Variants in C2orf69 observed in about 807,000 individuals in gnomAD.
The protein encoded by C2orf69 is chromosome 2 open reading frame 69.
A neutral mutation model predicts 29.5 loss-of-function variants in C2orf69; 19 were observed. The observed-to-expected ratio is 0.65, with a 90% CI of 0.45 to 0.95. C2orf69 has a LOEUF of 0.95. Ranked by LOEUF, C2orf69 falls within the 40% of genes least tolerant of loss-of-function variation. The pLI is 0.00. For missense variants in C2orf69, 416 were observed against 482.1 expected (o/e 0.86, Z 1.28); for synonymous variants, 194 against 180.0 (o/e 1.08, Z -0.62).
Position 199,925,466 on chromosome 2 carries a change from G to C in C2orf69, c.738G>C (p.Met246Ile). Residue 246 changes from methionine (M) to isoleucine (I), a missense_variant, in exon 2 of 2, where the codon ATG becomes ATC. By Grantham distance (10) the Met-to-Ile change is conservative. Coordinates refer to ENST00000319974, the MANE Select transcript of C2orf69 (RefSeq NM_153689.6). The surrounding 1 kb of genome is among the most constrained non-coding windows in gnomAD (Gnocchi z 4.9). ...RTCEKSDESA[M>I]SFYPPSLNDA... ...GTGAAAAATCTGATGAGTCTGCCATGAGTTTTTATCCACCATCACTAAATG... is the reference window on the plus strand; with the variant it reads ...GTGAAAAATCTGATGAGTCTGCCATCAGTTTTTATCCACCATCACTAAATG... The C allele has an allele frequency of 5.0e-6, 8 of 1,613,810 alleles. No individual in the cohort carries two copies. Among genetic ancestry groups the C allele is most frequent in the Non-Finnish European group, 6.8e-6 (8 of 1,179,862 alleles).
At chr2:199,912,930 C>T (rs1156235751) in intron 1 of C2orf69, among the ~76,000 whole-genome samples, 3 of 151,456 alleles carry the variant, frequency 2.0e-5, no homozygotes, top group Admixed American at 6.6e-5. Context: ...TGTGAGCCAC[C>T]GCGCCCGGCC....
chr2:199,922,713 A>G (rs1332600832), intron 1 of C2orf69, among the ~76,000 whole-genome samples: 1 of 152,082 alleles, frequency 6.6e-6, no homozygotes, highest in East Asian at 1.9e-4. Flanking sequence ...TGTTGACTCT[A>G]ACTCCAAAAT....
At position 199,911,524 on chromosome 2, in the gene C2orf69, A is replaced by C; in HGVS notation, c.86A>C (p.Gln29Pro). 6.5e-7 allele frequency: 1 copy of C among 1,549,550 alleles called. No individual in the cohort carries two copies. The highest frequency in any genetic ancestry group is 1.4e-5 in the African/African-American group (1 of 73,118). ...ATCGGAAACGCCTCGTCCTGCTCTCAGGCCAGAACCATGAACCCGGGCGGC... is the reference window on the plus strand; with the variant it reads ...ATCGGAAACGCCTCGTCCTGCTCTCCGGCCAGAACCATGAACCCGGGCGGC... The part of the protein sequence containing the change: ...LGIGNASSCS[Q>P]ARTMNPGGSG... The change falls in exon 1 of 2, where the codon CAG (glutamine) becomes CCG (proline). Residue 29 changes from glutamine to proline, a missense_variant. Physicochemically the swap from Gln to Pro is moderately conservative, Grantham distance 76. Transcript: ENST00000319974.
In C2orf69 at chr2:199,926,295, A is replaced by G. The variant is rs2077334773; in HGVS notation, c.*409A>G. The stretch of plus-strand genomic sequence containing the variant: ...AGCTATTTTGAGTGGAAATATTTTC[A>G]TTTCTCTTCAAACAAAAGCAAAGGT... On this transcript the variant is annotated 3_prime_UTR_variant, in exon 2 of 2. Coordinates refer to ENST00000319974, the MANE Select transcript of C2orf69 (RefSeq NM_153689.6). The G allele has an allele frequency of 2.5e-5, 4 of 162,306 alleles. No homozygotes were observed. In the South Asian group the frequency reaches 6.8e-4, roughly 28 times the overall value. 10.1% of individuals were successfully genotyped at this position (162,306 alleles called of 1,614,324 possible). A position where few individuals can be genotyped will look rare whatever the true frequency, so the allele number is the denominator to read the frequency against.
In C2orf69 at chr2:199,911,365, C is replaced by T; in HGVS notation, c.-74C>T. 1 of 1,374,864 alleles carries T rather than the reference C, an allele frequency of 7.3e-7. No individual in the cohort carries two copies. Among genetic ancestry groups the T allele is most frequent in the Non-Finnish European group, 9.3e-7 (1 of 1,069,990 alleles). 85.2% of individuals were successfully genotyped at this position (1,374,864 alleles called of 1,614,324 possible). On this transcript the variant is annotated 5_prime_UTR_variant, in exon 1 of 2. Coordinates refer to ENST00000319974, the MANE Select transcript of C2orf69 (RefSeq NM_153689.6). ...CCGACCGTTGAGCCGCCGGCTGAGC[C>T]GCCTGCTGAAGTCCCTCCCTCAGGA...
At chr2:199,923,082 C>A (rs969624874) in intron 1 of C2orf69, among the ~76,000 whole-genome samples, 6 of 152,166 alleles carry the variant, frequency 3.9e-5, no homozygotes, top group African/African-American at 1.4e-4. Flanking sequence ...TTTGCAGTTA[C>A]AGTTCCTTCT....
In C2orf69 at chr2:199,926,599, A is replaced by ACTAG. The variant is rs1218469953; in HGVS notation, c.*717_*720dup. The ACTAG allele has an allele frequency of 6.6e-6, 1 of 152,236 alleles. No individual in the cohort carries two copies. Among genetic ancestry groups the ACTAG allele is most frequent in the Non-Finnish European group, 1.5e-5 (1 of 68,042 alleles). 9.4% of individuals were successfully genotyped at this position (152,236 alleles called of 1,614,324 possible). A position where few individuals can be genotyped will look rare whatever the true frequency, so the allele number is the denominator to read the frequency against. ...GTGGTTCACCATAATTGTGTTTGTG[A>ACTAG]CTAGCTACTGCACTCCAACCTGGGC... is the stretch of plus-strand genomic sequence containing the variant. On this transcript the variant is annotated 3_prime_UTR_variant, in exon 2 of 2. Transcript: ENST00000319974.
At chr2:199,920,076 C>T (rs1163986963) in intron 1 of C2orf69, among the ~76,000 whole-genome samples, 5 of 152,156 alleles carry the variant, frequency 3.3e-5, no homozygotes, top group Non-Finnish European at 7.3e-5. Flanking sequence ...GCCTTTCACC[C>T]CTTACCTCTT....
chr2:199,914,219 C>T (rs1316181835), intron 1 of C2orf69, among the ~76,000 whole-genome samples: 1 of 152,162 alleles, frequency 6.6e-6, no homozygotes, highest in African/African-American at 2.4e-5. Flanking sequence ...TGTACACTGA[C>T]ACCCCTCAAC....
At position 199,911,641 on chromosome 2, in the gene C2orf69, G is replaced by A. The variant is rs1433734563; in HGVS notation, c.203G>A (p.Ser68Asn). The change falls in exon 1 of 2, where the codon AGC (serine) becomes AAC (asparagine). Residue 68 changes from serine to asparagine, a missense_variant. By Grantham distance (46) the Ser-to-Asn change is conservative. Coordinates refer to ENST00000319974, the MANE Select transcript of C2orf69 (RefSeq NM_153689.6). ...STVPGADPQR[S>N]NELLLLAAAG... ...GTGCCTGGAGCCGATCCGCAGCGCA[G>A]CAACGAATTGCTCCTGTTGGCGGCG... The A allele has an allele frequency of 6.5e-7, 1 of 1,549,412 alleles. No individual in the cohort carries two copies. The highest frequency in any genetic ancestry group is 8.7e-7 in the Non-Finnish European group (1 of 1,146,598).
chr2:199,921,404 A>T (rs1005739320), intron 1 of C2orf69, among the ~76,000 whole-genome samples: 11 of 152,176 alleles, frequency 7.2e-5, no homozygotes, highest in Non-Finnish European at 4.4e-5. Flanking sequence ...TTATCACAGG[A>T]CATGAACAGA....
intron 1 of C2orf69, among the ~76,000 whole-genome samples, chr2:199,920,589 A>G (rs1054040889): frequency 6.6e-6 from 1 of 152,196 alleles, no homozygotes; most frequent in African/African-American, 2.4e-5. Context: ...GTAAGTGCCT[A>G]TGATTTCATG....
rs573978469 is a variant in C2orf69, at chr2:199,921,301, C to T, written c.334-3761C>T. 2.8e-4 allele frequency among the ~76,000 whole-genome samples: 42 copies of T among 151,942 alleles called. 1 individual carries two copies. In the South Asian group the frequency reaches 6.2e-3, roughly 23 times the overall value. ...GATTACAGACGTGAGCTACTGTGCC[C>T]GGCCTGGGAATTAGTATTTTTAACA... On this transcript the variant is annotated intron_variant, in intron 1 of 1. Transcript: ENST00000319974.
Position 199,925,186 on chromosome 2 carries a change from C to G in C2orf69, c.458C>G (p.Ser153Cys), listed in dbSNP as rs2077330977. The part of the protein sequence containing the change: ...PNSYIWVIKC[S>C]RMHLHKFSCY... ...AGTTATATTTGGGTGATAAAATGTT[C>G]CCGAATGCATTTGCACAAATTCAGC... The change falls in exon 2 of 2, where the codon TCC becomes TGC. Residue 153 changes from serine to cysteine, a missense_variant. Ser to Cys is a moderately radical substitution (Grantham distance 112). Around this residue, in one of 4 missense-constraint regions of C2orf69, gnomAD observed 225 missense variants for 307.3 expected, o/e 0.73. Transcript: ENST00000319974. This position sits in a 1 kb window ranked among gnomAD's most constrained non-coding sequence, Gnocchi z 4.9. The G allele has an allele frequency of 1.2e-6, 2 of 1,612,490 alleles. No individual in the cohort carries two copies. The highest frequency in any genetic ancestry group is 1.7e-6 in the Non-Finnish European group (2 of 1,179,658).
At position 199,911,544 on chromosome 2, in the gene C2orf69, G is replaced by C; in HGVS notation, c.106G>C (p.Gly36Arg). Residue 36 changes from glycine (G) to arginine (R), a missense_variant, in exon 1 of 2, where the codon GGC (glycine) becomes CGC (arginine). Physicochemically the swap from Gly to Arg is moderately radical, Grantham distance 125. This residue lies in a region of C2orf69 where 175 missense variants were observed against 139.9 expected (regional missense o/e 1.25). Transcript: ENST00000319974. ...SCSQARTMNP[G>R]GSGGARCSLS... ...CTCTCAGGCCAGAACCATGAACCCG[G>C]GCGGCAGCGGCGGCGCGCGATGCTC... The C allele has an allele frequency of 6.5e-7, 1 of 1,549,684 alleles. No homozygotes were observed. Among genetic ancestry groups the C allele is most frequent in the Non-Finnish European group, 8.7e-7 (1 of 1,146,712 alleles).
intron 1 of C2orf69, among the ~76,000 whole-genome samples, chr2:199,917,191 G>A (rs2077296290): frequency 6.6e-6 from 1 of 152,192 alleles, no homozygotes; most frequent in South Asian, 2.1e-4. Flanking sequence ...TTTCAAGACT[G>A]CACAAAGCAG....
chr2:199,911,551 GCGGC>G lies in C2orf69; in HGVS notation c.114_117del (p.Ser38ArgfsTer79). 6.5e-7 allele frequency: 1 copy of G among 1,549,748 alleles called. No individual in the cohort carries two copies. The highest frequency in any genetic ancestry group is 8.7e-7 in the Non-Finnish European group (1 of 1,146,716). On this transcript the variant is annotated frameshift_variant, in exon 1 of 2. Coordinates refer to ENST00000319974, the MANE Select transcript of C2orf69 (RefSeq NM_153689.6). LOFTEE classifies it high-confidence loss of function. ...GCCAGAACCATGAACCCGGGCGGCA[GCGGC>G]GGCGCGCGATGCTCCCTCTCGGCCG...
At chr2:199,920,053 G>T (rs1379765733) in intron 1 of C2orf69, among the ~76,000 whole-genome samples, 2 of 152,174 alleles carry the variant, frequency 1.3e-5, no homozygotes. Context: ...CCTCACTGGG[G>T]ATGAGAAGCA....
rs937498852 is a variant in C2orf69, at chr2:199,911,615, C to G, written c.177C>G (p.Thr59=). The G allele has an allele frequency of 1.1e-5, 17 of 1,549,468 alleles. No individual in the cohort carries two copies. The East Asian group carries it at 3.9e-4, about 36-fold the overall frequency. ...VRRRQCLQLS[T]VPGADPQRSN... is the part of the protein sequence containing the mutation. ...GCCGTCAGTGCCTGCAGCTTTCCAC[C>G]GTGCCTGGAGCCGATCCGCAGCGCA... The change falls in exon 1 of 2, where the codon ACC becomes ACG. Residue 59 remains threonine (T), a synonymous_variant. Coordinates refer to ENST00000319974, the MANE Select transcript of C2orf69 (RefSeq NM_153689.6).
Sources: gnomAD v4.1 joint callset for allele counts (sites outside exome capture counted in the v4.1 genomes callset) on GRCh38, gnomAD v4.1.1 for gene constraint, gnomAD v4.1.1 regional missense constraint, Gnocchi (gnomAD v3.1) non-coding constraint, MANE v1.5 for transcripts, NCBI Gene and HGNC (gene_info 2026-07-23, HGNC 2026-07-21) for gene names.